The following CALD1 variants were observed in gnomAD, a reference collection of about 807,000 sequenced individuals.
The protein encoded by CALD1 is caldesmon 1, also known as caldesmon.
CALD1 carries 33 observed loss-of-function variants against 99.9 expected under a neutral mutation model. That is an observed-to-expected ratio of 0.33 (90% CI 0.25 to 0.44). The LOEUF is 0.44. Ranked by LOEUF, CALD1 falls within the 20% of genes least tolerant of loss-of-function variation. The pLI, the probability that CALD1 is intolerant of heterozygous loss-of-function variation, is 1.00. For missense variants in CALD1, 861 were observed against 962.1 expected, an observed-to-expected ratio of 0.89 and a Z score of 1.39; for synonymous variants, 310 against 325.0, an observed-to-expected ratio of 0.95 and a Z score of 0.50.
Position 134,941,210 on chromosome 7 carries a change from A to C in CALD1, c.1505A>C (p.Lys502Thr), listed in dbSNP as rs1256886718. The C allele has an allele frequency of 6.2e-7, 1 of 1,610,662 alleles. No homozygotes were observed. The highest frequency in any genetic ancestry group is 8.5e-7 in the Non-Finnish European group (1 of 1,179,104). Reference protein sequence around the residue: ...KSQNGEFMTHKLKHTENTFSR... With the variant: ...KSQNGEFMTHTLKHTENTFSR... ...CAGAATGGAGAATTCATGACCCACA[A>C]ACTTAAACATACTGAGAATACTTTC... The change falls in exon 7 of 15, where the codon AAA (lysine) becomes ACA (threonine). Residue 502 changes from lysine to threonine, a missense_variant. Lys to Thr is a moderately conservative substitution (Grantham distance 78). Coordinates refer to ENST00000361675, the MANE Select transcript of CALD1 (RefSeq NM_033138.4).
chr7:134,969,070 G>A lies in CALD1; in HGVS notation c.*725G>A. ...CATACACATATACAAACACACTAAT[G>A]GTAGAATGCTTTTTTATGTGCTAGA... is the stretch of plus-strand genomic sequence containing the variant. On this transcript the variant is annotated 3_prime_UTR_variant, in exon 15 of 15. Coordinates refer to ENST00000361675, the MANE Select transcript of CALD1 (RefSeq NM_033138.4). The A allele has an allele frequency of 6.5e-6, 1 of 154,186 alleles. No homozygotes were observed. Among genetic ancestry groups the A allele is most frequent in the Admixed American group, 6.4e-5 (1 of 15,612 alleles). The allele number at this position is 154,186 out of a possible 1,614,324, so 9.6% of individuals were successfully genotyped here.
intron 3 of CALD1, among the ~76,000 whole-genome samples, chr7:134,887,009 A>G (rs942127465): frequency 6.6e-6 from 1 of 152,254 alleles, no homozygotes; most frequent in African/African-American, 2.4e-5. Context: ...ATAAAACTAC[A>G]TGCTCACCAT....
chr7:134,962,571 C>A (rs917499828), intron 13 of CALD1, among the ~76,000 whole-genome samples: 21 of 152,012 alleles, frequency 1.4e-4, no homozygotes, highest in African/African-American at 3.9e-4. Flanking sequence ...GAATGAGAAC[C>A]AGATGGAAGA....
chr7:134,827,605 G>A (rs1173352662), intron 1 of CALD1, among the ~76,000 whole-genome samples: 1 of 152,180 alleles, frequency 6.6e-6, no homozygotes, highest in Admixed American at 6.5e-5. Context: ...TTCTGGACTT[G>A]GCCAGATGAC....
At chr7:134,741,250 G>A (rs891306404), upstream of CALD1, among the ~76,000 whole-genome samples, 5 of 151,928 alleles carry the variant, frequency 3.3e-5, no homozygotes, top group African/African-American at 1.2e-4. Context: ...GGAAAGGGAA[G>A]CAAATACGTC....
At chr7:134,924,415 T>C (rs1804837467) in intron 3 of CALD1, among the ~76,000 whole-genome samples, 1 of 152,120 alleles carries the variant, frequency 6.6e-6, no homozygotes, top group Non-Finnish European at 1.5e-5. Context: ...GTGGTGTTAG[T>C]AGGATGGGAA....
intron 3 of CALD1, among the ~76,000 whole-genome samples, chr7:134,881,893 G>A (rs969491044): frequency 2.6e-5 from 4 of 152,134 alleles, no homozygotes; most frequent in African/African-American, 9.7e-5. Flanking sequence ...AAATGCAGAC[G>A]ATTTAAAATC....
intron 1 of CALD1, among the ~76,000 whole-genome samples, chr7:134,784,801 G>A (rs1585924767): frequency 6.6e-6 from 1 of 152,156 alleles, no homozygotes; most frequent in African/African-American, 2.4e-5. Context: ...CCCAGCCGCG[G>A]TCCATGGATA....
At chr7:134,873,849 AAC>A (rs954674390) in intron 3 of CALD1, among the ~76,000 whole-genome samples, 2 of 152,282 alleles carry the variant, frequency 1.3e-5, no homozygotes, top group Non-Finnish European at 2.9e-5. Context: ...TGAAAGTATT[AAC>A]ACAGTGTTAT....
intron 2 of CALD1, among the ~76,000 whole-genome samples, chr7:134,856,413 A>C (rs1800305518): frequency 6.6e-6 from 1 of 152,204 alleles, no homozygotes; most frequent in Admixed American, 6.5e-5. Context: ...TTCCCAAGCA[A>C]ACCTCCAGAA....
chr7:134,933,625 A>T lies in CALD1; in HGVS notation c.856A>T (p.Lys286Ter), dbSNP rs1167457880. ...AGAAAGAATTAAAGCCGAGCAAGACAAAAAGATAGCAGATGAACGAGCAAG... is the reference window on the plus strand; with the variant it reads ...AGAAAGAATTAAAGCCGAGCAAGACTAAAAGATAGCAGATGAACGAGCAAG... ...ERERIKAEQD[K>*]KIADERARIE... The change falls in exon 5 of 15, where the codon AAA becomes TAA. Residue 286 changes from lysine to a stop codon, truncating the protein, a stop_gained. Transcript: ENST00000361675. LOFTEE classifies it high-confidence loss of function. 1 of 1,611,856 alleles carries T rather than the reference A, an allele frequency of 6.2e-7. No homozygotes were observed. Among genetic ancestry groups the T allele is most frequent in the South Asian group, 1.1e-5 (1 of 90,496 alleles).
At chr7:134,787,648 A>G (rs1797357488) in intron 1 of CALD1, among the ~76,000 whole-genome samples, 1 of 152,148 alleles carries the variant, frequency 6.6e-6, no homozygotes, top group Non-Finnish European at 1.5e-5. Context: ...CTTTGAGTGC[A>G]TGGATGGGGG....
Position 134,933,847 on chromosome 7 carries a change from A to G in CALD1, c.1078A>G (p.Lys360Glu). 6.2e-7 allele frequency: 1 copy of G among 1,606,538 alleles called. No individual in the cohort carries two copies. The highest frequency in any genetic ancestry group is 8.5e-7 in the Non-Finnish European group (1 of 1,176,206). Residue 360 changes from lysine (K) to glutamate (E), a missense_variant, in exon 5 of 15, where the codon AAA becomes GAA. Lys to Glu is a moderately conservative substitution (Grantham distance 56). Transcript: ENST00000361675. ...GGCAGCAGAGGAGAGGCAGAGGATAAAAGAGGAAGAGAAAAGGGCAGCAGA... is the reference window on the plus strand; with the variant it reads ...GGCAGCAGAGGAGAGGCAGAGGATAGAAGAGGAAGAGAAAAGGGCAGCAGA... ...KRAAEERQRI[K>E]EEEKRAAEER...
chr7:134,733,845 G>A, the CALD1 span, among the ~76,000 whole-genome samples: 2 of 117,190 alleles, frequency 1.7e-5, no homozygotes, highest in South Asian at 5.7e-4. Flanking sequence ...AACAAAATAG[G>A]TCTGCTAAAT....
intron 9 of CALD1, among the ~76,000 whole-genome samples, chr7:134,957,319 G>T (rs921615955): frequency 2.0e-5 from 3 of 152,104 alleles, no homozygotes; most frequent in Non-Finnish European, 4.4e-5. Context: ...AACATTATGG[G>T]AAAATTTTGT....
At chr7:134,767,304 G>A (rs1010415186) in intron 1 of CALD1, among the ~76,000 whole-genome samples, 1 of 151,882 alleles carries the variant, frequency 6.6e-6, no homozygotes, top group African/African-American at 2.4e-5. Flanking sequence ...AGTTTGCTTA[G>A]TCCAAACAGC....
upstream of CALD1, among the ~76,000 whole-genome samples, chr7:134,778,447 G>A (rs1294652378): frequency 6.6e-6 from 1 of 152,112 alleles, no homozygotes; most frequent in Non-Finnish European, 1.5e-5. Flanking sequence ...GAAACTTCTT[G>A]GTCAGTGATG....
At chr7:134,867,372 G>A (rs186032297) in intron 2 of CALD1, among the ~76,000 whole-genome samples, 77 of 152,188 alleles carry the variant, frequency 5.1e-4, no homozygotes, top group Non-Finnish European at 8.7e-4. Context: ...GGTTCAGAAA[G>A]TTACAAAGAG....
chr7:134,792,886 G>T (rs1797599166), intron 1 of CALD1, among the ~76,000 whole-genome samples: 1 of 152,212 alleles, frequency 6.6e-6, no homozygotes, highest in South Asian at 2.1e-4. Context: ...GGAATGCTTT[G>T]CTAGAAATCC....
Sources: allele counts gnomAD v4.1 joint callset (sites outside exome capture counted in the v4.1 genomes callset), GRCh38; gene constraint gnomAD v4.1.1; transcripts MANE v1.5; gene names NCBI Gene and HGNC (gene_info 2026-07-23, HGNC 2026-07-21).